The following SYNE2 variants were observed in gnomAD, a reference collection of about 807,000 sequenced individuals.
SYNE2 encodes the protein nesprin-2.
In SYNE2, 431 loss-of-function variants were observed where a neutral mutation model predicts 856.3. The ratio of observed to expected loss-of-function variants is 0.50; its 90% CI spans 0.47 to 0.55. SYNE2 has a LOEUF of 0.55. Ranked by LOEUF, SYNE2 falls within the 20% of genes least tolerant of loss-of-function variation. SYNE2 has a pLI of 0.00. For missense variants in SYNE2, 8,129 were observed against 8,023.2 expected (o/e 1.01, Z -0.50); for synonymous variants, 2,923 against 2,872.3 (o/e 1.02, Z -0.56).
intron 73 of SYNE2, 67 bp downstream of exon 73, chr14:64,126,874 A>G (rs906880945): frequency 6.9e-7 from 1 of 1,455,224 alleles, no homozygotes; most frequent in Non-Finnish European, 9.5e-7. Flanking sequence ...CCTAATGCCT[A>G]TTCCTATTCC....
chr14:64,003,932 G>A (rs2096774662), intron 30 of SYNE2, among the ~76,000 whole-genome samples: 1 of 152,178 alleles, frequency 6.6e-6, no homozygotes. Context: ...ATTTGGAATA[G>A]GGCCTTCAGA....
chr14:63,973,593 C>T (rs1027510509), intron 11 of SYNE2, among the ~76,000 whole-genome samples: 1 of 136,452 alleles, frequency 7.3e-6, no homozygotes, highest in Admixed American at 7.9e-5. Flanking sequence ...GATTGCAGCA[C>T]TACACTCCAG....
At chr14:63,941,571 C>A (rs1204457051) in intron 3 of SYNE2, 124 bp from the exon 4 acceptor site, 1 of 777,224 alleles carries the variant, frequency 1.3e-6, no homozygotes, top group Non-Finnish European at 2.2e-6. Flanking sequence ...CTCTCTCATT[C>A]TCTTAATTAA....
chr14:63,982,737 T>G lies in SYNE2; in HGVS notation c.1944T>G (p.Ser648=), dbSNP rs2096596292. Residue 648 remains serine, a synonymous_variant, in exon 17 of 116, where the codon TCT becomes TCG. Coordinates refer to ENST00000555002, the MANE Select transcript of SYNE2 (RefSeq NM_182914.3). ...ATGATGTGGTTGGATCATCTATTTC[T>G]AAAGAACTGAGAAGGCTGAATAAAA... ...VSNDVVGSSI[S]KELRRLNKRW... 2.5e-6 allele frequency: 4 copies of G among 1,614,106 alleles called. No individual in the cohort carries two copies. The highest frequency in any genetic ancestry group is 3.4e-6 in the Non-Finnish European group (4 of 1,179,986).
intron 1 of SYNE2, among the ~76,000 whole-genome samples, chr14:63,871,763 G>C (rs914078555): frequency 6.6e-6 from 1 of 151,908 alleles, no homozygotes; most frequent in African/African-American, 2.4e-5. Context: ...CAAAGTGTTA[G>C]GATTACAGGT....
At position 64,177,476 on chromosome 14, in the gene SYNE2, T is replaced by C. The variant is rs149278203; in HGVS notation, c.17549T>C (p.Leu5850Pro). The C allele has an allele frequency of 4.3e-6, 7 of 1,614,194 alleles. No individual in the cohort carries two copies. Among genetic ancestry groups the C allele is most frequent in the Middle Eastern group, 1.6e-4 (1 of 6,062 alleles). ...LHEDLHNEKELIKELEQSLAS... is the reference protein window; with the variant it reads ...LHEDLHNEKEPIKELEQSLAS... ...GAGGACCTCCATAACGAAAAAGAGC[T>C]GATTAAGGTATTGAAATCCAAACAA... is the stretch of plus-strand genomic sequence containing the variant. Residue 5850 changes from leucine to proline, a missense_variant, in exon 96 of 116, where the codon CTG becomes CCG. Transcript: ENST00000555002.
chr14:63,925,559 T>A (rs2095654135), intron 2 of SYNE2, among the ~76,000 whole-genome samples: 1 of 152,214 alleles, frequency 6.6e-6, no homozygotes, highest in Non-Finnish European at 1.5e-5. Flanking sequence ...TTGTTTTTTT[T>A]ACCATAGTCA....
intron 1 of SYNE2, among the ~76,000 whole-genome samples, chr14:63,843,026 T>C (rs1296329358): frequency 6.6e-6 from 1 of 152,088 alleles, no homozygotes; most frequent in Non-Finnish European, 1.5e-5. Context: ...GTTTTTTGTA[T>C]GTTAATTTAA....
chr14:63,842,477 T>C (rs1280427336), intron 1 of SYNE2, among the ~76,000 whole-genome samples: 1 of 151,636 alleles, frequency 6.6e-6, no homozygotes, highest in African/African-American at 2.4e-5. Context: ...TTTTTTTTAT[T>C]GATACAGAGT....
rs750282286 is a variant in SYNE2, at chr14:64,162,190, G to A, written c.16213G>A (p.Glu5405Lys). Residue 5405 changes from glutamate to lysine, a missense_variant, in exon 88 of 116, where the codon GAA becomes AAA. Glu to Lys is a moderately conservative substitution (Grantham distance 56, BLOSUM62 1). Transcript: ENST00000555002. ...AGCTGCCGCAAGGCTGAAGCAGCAG[G>A]AAGCAAAGTTTCAACAGCTCGCAAA... ...GEAAARLKQQ[E>K]AKFQQLANIS... is the part of the protein sequence containing the mutation. The A allele has an allele frequency of 1.9e-6, 3 of 1,614,122 alleles. No homozygotes were observed. The highest frequency in any genetic ancestry group is 2.7e-5 in the African/African-American group (2 of 74,946).
chr14:64,005,587 T>C (rs1413231315), intron 30 of SYNE2, among the ~76,000 whole-genome samples: 1 of 152,156 alleles, frequency 6.6e-6, no homozygotes, highest in Non-Finnish European at 1.5e-5. Flanking sequence ...AAGACTAAAG[T>C]TTATCAGTGT....
chr14:64,045,753 A>C (rs1393113025), intron 45 of SYNE2, among the ~76,000 whole-genome samples: 1 of 152,232 alleles, frequency 6.6e-6, no homozygotes, highest in Non-Finnish European at 1.5e-5. Context: ...GTACTTCAAA[A>C]CCAGTAACCC....
Position 64,226,337 on chromosome 14 carries a change from C to CGGCGGG in SYNE2, c.*814_*819dup, listed in dbSNP as rs1408391913. On this transcript the variant is annotated 3_prime_UTR_variant, in exon 116 of 116. Coordinates refer to ENST00000555002, the MANE Select transcript of SYNE2 (RefSeq NM_182914.3). ...GCTTTGGGTTTTAACTGTTTGGCCA[C>CGGCGGG]GGCGGGGGTGGGGGCGGGGGGTTGG... 1.6e-4 allele frequency: 7 copies of CGGCGGG among 43,454 alleles called. No individual in the cohort carries two copies. In the Admixed American group the frequency reaches 2.8e-3, roughly 17 times the overall value. 2.7% of individuals were successfully genotyped at this position (43,454 alleles called of 1,614,324 possible). A position where few individuals can be genotyped will look rare whatever the true frequency, so the allele number is the denominator to read the frequency against.
intron 1 of SYNE2, among the ~76,000 whole-genome samples, chr14:63,856,936 A>C (rs1423560894): frequency 6.6e-6 from 1 of 152,006 alleles, no homozygotes; most frequent in Non-Finnish European, 1.5e-5. Flanking sequence ...TGCCTGGCCA[A>C]CTGTGAATTT....
intron 65 of SYNE2, among the ~76,000 whole-genome samples, chr14:64,111,583 G>C (rs1240144970): frequency 1.3e-5 from 2 of 152,124 alleles, no homozygotes; most frequent in Non-Finnish European, 2.9e-5. Context: ...TGGATCACTT[G>C]AGGCCAGGAG....
In SYNE2 at chr14:64,210,109, C is replaced by T; in HGVS notation, c.18708C>T (p.Val6236=). The T allele has an allele frequency of 6.2e-7, 1 of 1,613,682 alleles. No homozygotes were observed. Among genetic ancestry groups the T allele is most frequent in the Non-Finnish European group, 8.5e-7 (1 of 1,179,788 alleles). Residue 6236 remains valine (V), a synonymous_variant, in exon 103 of 116, where the codon GTC becomes GTT. Coordinates refer to ENST00000555002, the MANE Select transcript of SYNE2 (RefSeq NM_182914.3). ...ACCTTCAGAGGCGGGTCACAGCCGT[C>T]CTGCGGAGACTCAGGGTGAGCTCCT... ...WDNLQRRVTA[V]LRRLRHFTNQ...
intron 84 of SYNE2, 90 bp downstream of exon 84, chr14:64,146,313 G>A (rs1354501857): frequency 6.6e-6 from 8 of 1,215,342 alleles, no homozygotes; most frequent in South Asian, 5.8e-5. Context: ...TGTAGTTTGT[G>A]GAAACTCTCT....
intron 115 of SYNE2, 31 bp downstream of exon 115, chr14:64,225,076 TTCCCCTGCTCCACAC>T: frequency 6.2e-7 from 1 of 1,610,372 alleles, no homozygotes; most frequent in Non-Finnish European, 8.5e-7. Flanking sequence ...CAGCAGTGCG[TTCCCCTGCTCCACAC>T]TCCCACTGAC....
chr14:63,923,698 T>G (rs773199214), intron 2 of SYNE2, among the ~76,000 whole-genome samples: 1 of 152,202 alleles, frequency 6.6e-6, no homozygotes, highest in Non-Finnish European at 1.5e-5. Context: ...AAGATATAAT[T>G]TGACATCAAA....
Sources: gnomAD v4.1 joint callset for allele counts (sites outside exome capture counted in the v4.1 genomes callset) on GRCh38, gnomAD v4.1.1 for gene constraint, MANE v1.5 for transcripts, NCBI Gene and HGNC (gene_info 2026-07-23, HGNC 2026-07-21) for gene names.